The following PREP variants were observed in gnomAD, a reference collection of about 807,000 sequenced individuals.
PREP encodes the protein dJ355L5.1 (prolyl endopeptidase).
In PREP, 29 loss-of-function variants were observed where a neutral mutation model predicts 87.6. The ratio of observed to expected loss-of-function variants is 0.33; its 90% confidence interval spans 0.25 to 0.45. The LOEUF is 0.45. Among genes scored for constraint, PREP ranks in the 20% least tolerant of loss-of-function variants. The pLI is 1.00. For missense variants in PREP, 695 were observed against 886.5 expected, an observed-to-expected ratio of 0.78 and a Z score of 2.74; for synonymous variants, 337 against 328.6, an observed-to-expected ratio of 1.03 and a Z score of -0.28.
intron 10 of PREP, among the ~76,000 whole-genome samples, chr6:105,301,952 G>A (rs2114627096): frequency 6.6e-6 from 1 of 152,352 alleles, no homozygotes; most frequent in South Asian, 2.1e-4. Context: ...GGCAGTGAAG[G>A]AGGCACAGCT....
intron 7 of PREP, among the ~76,000 whole-genome samples, chr6:105,342,539 C>T (rs1398131153): frequency 6.6e-6 from 1 of 152,144 alleles, no homozygotes; most frequent in Non-Finnish European, 1.5e-5. Context: ...CCAGGGCAAT[C>T]AGGCAGGAGA....
rs1772144242 is a variant in PREP at position 105,357,927 on chromosome 6, T to C, written c.718-4850A>G. Among the ~76,000 whole-genome samples, 2 of 152,064 alleles carry C rather than the reference T, an allele frequency of 1.3e-5. 1 individual carries two copies. Among genetic ancestry groups the C allele is most frequent in the Non-Finnish European group, 2.9e-5 (2 of 67,990 alleles). On this transcript the variant is annotated intron_variant, in intron 6 of 14. Transcript: ENST00000652536. The stretch of plus-strand genomic sequence containing the variant: ...TCAACAATACTGTTTTTTTTTTTTT[T>C]TCTCTAAGTGATAATGATATCCCAG...
chr6:105,387,343 T>A (rs1223451315), intron 2 of PREP, among the ~76,000 whole-genome samples: 1 of 152,206 alleles, frequency 6.6e-6, no homozygotes, highest in African/African-American at 2.4e-5. Context: ...ACTGAAAAAC[T>A]GCAGATGACT....
chr6:105,399,451 TG>T (rs1773367148), intron 1 of PREP, among the ~76,000 whole-genome samples: 1 of 152,126 alleles, frequency 6.6e-6, no homozygotes, highest in African/African-American at 2.4e-5. Flanking sequence ...ACTGGATAAA[TG>T]GGCAGGTAAG....
At chr6:105,325,906 G>C (rs1396164545) in intron 9 of PREP, among the ~76,000 whole-genome samples, 4 of 152,202 alleles carry the variant, frequency 2.6e-5, no homozygotes, top group African/African-American at 7.2e-5. Flanking sequence ...ATCTGGACTT[G>C]AGAAGGAGGC....
intron 8 of PREP, among the ~76,000 whole-genome samples, chr6:105,332,204 G>A (rs1771352912): frequency 6.6e-6 from 1 of 152,032 alleles, no homozygotes. Context: ...TTTCTTCAGG[G>A]CCAAGGGACC....
At chr6:105,384,423 T>A (rs777509650) in intron 2 of PREP, among the ~76,000 whole-genome samples, 8 of 152,328 alleles carry the variant, frequency 5.3e-5, no homozygotes, top group Non-Finnish European at 1.2e-4. Flanking sequence ...AGTTTGAGGT[T>A]TACCCTCTTT....
rs765165692 is a variant in PREP, at chr6:105,328,851, C to T, written c.1191G>A (p.Gln397=). The change falls in exon 9 of 15, where the codon CAG becomes CAA. Residue 397 remains glutamine, a synonymous_variant. Transcript: ENST00000652536. ...GQKKDTEIFY[Q]FTSFLSPGII... ...TACCTGGAGATAAAAAGGAAGTAAA[C>T]TGATAGAAGATTTCAGTGTCCTTCT... is the stretch of plus-strand genomic sequence containing the variant. 5.6e-6 allele frequency: 9 copies of T among 1,613,978 alleles called. No individual in the cohort carries two copies. The highest frequency in any genetic ancestry group is 7.6e-6 in the Non-Finnish European group (9 of 1,180,022).
In PREP at chr6:105,278,934, C is replaced by T. The variant is rs1216170977; in HGVS notation, c.1839-496G>A. On this transcript the variant is annotated intron_variant, in intron 14 of 14. Transcript: ENST00000652536. This position sits in a 1 kb window ranked among gnomAD's most constrained non-coding sequence, Gnocchi z 4.2. The stretch of plus-strand genomic sequence containing the variant: ...CAGTTTTGCAATCTTAGGAAAAGCA[C>T]ATGTCCTCTCTGGGCCTAGTTTCTT... The T allele has an allele frequency of 6.6e-6, 1 of 152,616 alleles. No homozygotes were observed. Among genetic ancestry groups the T allele is most frequent in the Non-Finnish European group, 1.5e-5 (1 of 68,422 alleles). The allele number at this position is 152,616 out of a possible 1,614,324, so 9.5% of individuals were successfully genotyped here.
intron 10 of PREP, chr6:105,322,998 A>G: frequency 7.7e-7 from 1 of 1,302,850 alleles, no homozygotes; most frequent in Non-Finnish European, 1.0e-6. Flanking sequence ...AGGGGCCTTG[A>G]TAAACACCTG....
intron 10 of PREP, among the ~76,000 whole-genome samples, chr6:105,319,811 C>T (rs577280983): frequency 4.5e-4 from 68 of 152,290 alleles, no homozygotes; most frequent in African/African-American, 1.5e-3. Flanking sequence ...CAGCACTGAC[C>T]GAAGCCTGTG....
intron 10 of PREP, among the ~76,000 whole-genome samples, chr6:105,312,638 C>T (rs1354360489): frequency 1.3e-5 from 2 of 152,192 alleles, no homozygotes; most frequent in African/African-American, 4.8e-5. Context: ...GAGCACACAT[C>T]CATGCTGTAT....
intron 2 of PREP, among the ~76,000 whole-genome samples, chr6:105,392,328 A>G (rs555861107): frequency 3.3e-5 from 5 of 151,978 alleles, no homozygotes; most frequent in South Asian, 2.1e-4. Context: ...GTGAGCCCCC[A>G]CGCCTGGTCT....
chr6:105,275,668 A>T lies in PREP; in HGVS notation c.*2476T>A, dbSNP rs1769917682. Among the ~76,000 whole-genome samples, 1 of 152,238 alleles carries T rather than the reference A, an allele frequency of 6.6e-6. No individual in the cohort carries two copies. Among genetic ancestry groups the T allele is most frequent in the African/African-American group, 2.4e-5 (1 of 41,466 alleles). ...TGCAGCACTATCCACAACAGCCAAGATAGGGAATCAACCCACGTGCCCATC... is the reference window on the plus strand; with the variant it reads ...TGCAGCACTATCCACAACAGCCAAGTTAGGGAATCAACCCACGTGCCCATC... On this transcript the variant is annotated 3_prime_UTR_variant, in exon 15 of 15. Coordinates refer to ENST00000652536, the MANE Select transcript of PREP (RefSeq NM_002726.5).
At chr6:105,389,544 T>G (rs927632917) in intron 2 of PREP, among the ~76,000 whole-genome samples, 1 of 152,230 alleles carries the variant, frequency 6.6e-6, no homozygotes. Context: ...CAGCCTTTTA[T>G]ACCTGTAATT....
intron 6 of PREP, among the ~76,000 whole-genome samples, chr6:105,362,149 A>G (rs1205905760): frequency 3.9e-5 from 6 of 152,210 alleles, no homozygotes; most frequent in African/African-American, 1.4e-4. Context: ...TCTGTTTGAT[A>G]AATTTGGTTA....
chr6:105,307,028 G>T (rs551103990), intron 10 of PREP, among the ~76,000 whole-genome samples: 1 of 152,124 alleles, frequency 6.6e-6, no homozygotes, highest in Non-Finnish European at 1.5e-5. Context: ...CATTTGGAAA[G>T]CTTTTAGACA....
At chr6:105,385,608 C>T (rs1404094031) in intron 2 of PREP, among the ~76,000 whole-genome samples, 1 of 152,134 alleles carries the variant, frequency 6.6e-6, no homozygotes, top group Non-Finnish European at 1.5e-5. Flanking sequence ...GAACTTGTCC[C>T]AGATAACTCT....
At position 105,321,134 on chromosome 6, in the gene PREP, G is replaced by A. The variant is rs1770994841; in HGVS notation, c.1317+2531C>T. Among the ~76,000 whole-genome samples the A allele has an allele frequency of 2.0e-5, 3 of 152,120 alleles. No homozygotes were observed. The South Asian group carries it at 6.2e-4, about 32-fold the overall frequency. Reference sequence around the variant, plus strand: ...TTTAATAACAGTACTACGTGTATGAGGTATATAATCAGTAGATACAAATCT... The same window carrying A: ...TTTAATAACAGTACTACGTGTATGAAGTATATAATCAGTAGATACAAATCT... On this transcript the variant is annotated intron_variant, in intron 10 of 14. Transcript: ENST00000652536.
Sources: allele counts gnomAD v4.1 joint callset (sites outside exome capture counted in the v4.1 genomes callset), GRCh38; gene constraint gnomAD v4.1.1; non-coding constraint Gnocchi (gnomAD v3.1); transcripts MANE v1.5; gene names NCBI Gene and HGNC (gene_info 2026-07-23, HGNC 2026-07-21).